The following CNTNAP2 variants were observed in gnomAD, a reference collection of about 807,000 sequenced individuals.
CNTNAP2 encodes contactin associated protein 2, also known as contactin-associated protein-like 2.
In CNTNAP2, 98 loss-of-function variants were observed where a neutral mutation model predicts 155.2. The observed-to-expected ratio is 0.63, with a 90% CI of 0.54 to 0.75. The LOEUF (loss-of-function observed/expected upper bound fraction) is 0.75. CNTNAP2 is among the 30% of genes least tolerant of loss of function. CNTNAP2 has a pLI of 0.00. For synonymous variants in CNTNAP2, 651 were observed against 631.2 expected, an observed-to-expected ratio of 1.03 and a Z score of -0.47; for missense variants, 1,727 against 1,688.1, an observed-to-expected ratio of 1.02 and a Z score of -0.40.
intron 3 of CNTNAP2, among the ~76,000 whole-genome samples, chr7:146,904,831 C>T (rs979805231): frequency 6.6e-6 from 1 of 152,162 alleles, no homozygotes; most frequent in Non-Finnish European, 1.5e-5. Context: ...TCGTATTGTG[C>T]TGCTCACAAA....
At chr7:147,820,788 C>T (rs1798348877) in intron 13 of CNTNAP2, among the ~76,000 whole-genome samples, 1 of 151,970 alleles carries the variant, frequency 6.6e-6, no homozygotes, top group Non-Finnish European at 1.5e-5. Context: ...TAATGAATTC[C>T]CTAGGAACCT....
chr7:146,990,080 T>TA (rs532120864), intron 3 of CNTNAP2, among the ~76,000 whole-genome samples: 1,709 of 149,978 alleles, frequency 0.011, 36 homozygotes, highest in African/African-American at 0.039. Context: ...AAATAAAAAA[T>TA]AAAAAAAAAG....
At chr7:147,824,034 A>G (rs1442483923) in intron 13 of CNTNAP2, among the ~76,000 whole-genome samples, 4 of 152,170 alleles carry the variant, frequency 2.6e-5, no homozygotes, top group African/African-American at 7.2e-5. Context: ...TGGCTTATCT[A>G]TATAAACCAG....
intron 1 of CNTNAP2, among the ~76,000 whole-genome samples, chr7:146,469,326 C>A (rs540095550): frequency 6.6e-6 from 1 of 151,784 alleles, no homozygotes; most frequent in African/African-American, 2.4e-5. Context: ...CACATCATCT[C>A]GGTCCCAGAG....
intron 18 of CNTNAP2, among the ~76,000 whole-genome samples, chr7:148,212,974 A>C (rs893422460): frequency 1.3e-5 from 2 of 152,160 alleles, no homozygotes; most frequent in Non-Finnish European, 2.9e-5. Flanking sequence ...GTAGTCTCTG[A>C]GGCATATTTT....
At chr7:147,156,130 AG>A (rs60061263) in intron 8 of CNTNAP2, among the ~76,000 whole-genome samples, 1 of 152,266 alleles carries the variant, frequency 6.6e-6, no homozygotes, top group African/African-American at 2.4e-5. Flanking sequence ...TAAAGGAGAA[AG>A]GTAGATTTCG....
intron 4 of CNTNAP2, chr7:147,080,960 CTCA>C (rs1800112448): frequency 1.3e-5 from 2 of 151,996 alleles, no homozygotes; most frequent in African/African-American, 4.8e-5. Context: ...TTTATTTCTC[CTCA>C]TATGGTACAC....
intron 1 of CNTNAP2, among the ~76,000 whole-genome samples, chr7:146,355,039 G>C (rs1229151488): frequency 6.6e-6 from 1 of 152,156 alleles, no homozygotes; most frequent in Non-Finnish European, 1.5e-5. Flanking sequence ...AGTATAACAG[G>C]AGTCTCAGAG....
chr7:147,541,977 C>T (rs1032676151), intron 11 of CNTNAP2, among the ~76,000 whole-genome samples: 1 of 152,152 alleles, frequency 6.6e-6, no homozygotes, highest in African/African-American at 2.4e-5. Flanking sequence ...ACATCATCTC[C>T]TTATGAAGCT....
rs144678197 is a variant in CNTNAP2 at position 146,623,048 on chromosome 7, T to C, written c.98-151223T>C. On this transcript the variant is annotated intron_variant, in intron 1 of 23. Transcript: ENST00000361727. The stretch of plus-strand genomic sequence containing the variant: ...ATTACTTGTTAAATTCTTGTTATCA[T>C]GTATGGGAGTTTCAGAATTGTTAGT... Among the ~76,000 whole-genome samples the C allele has an allele frequency of 5.5e-3, 840 of 152,086 alleles. 11 individuals carry two copies. Among genetic ancestry groups the C allele is most frequent in the Admixed American group, 0.016 (237 of 15,288 alleles).
intron 4 of CNTNAP2, among the ~76,000 whole-genome samples, chr7:147,096,598 C>T (rs1800541159): frequency 6.6e-6 from 1 of 152,232 alleles, no homozygotes; most frequent in South Asian, 2.1e-4. Flanking sequence ...CAGCCAGCAT[C>T]ACACATTTGT....
At chr7:146,192,565 C>G (rs148949841) in intron 1 of CNTNAP2, among the ~76,000 whole-genome samples, 1 of 152,168 alleles carries the variant, frequency 6.6e-6, no homozygotes, top group Non-Finnish European at 1.5e-5. Context: ...GTATCTCATG[C>G]GACATATTCA....
intron 13 of CNTNAP2, among the ~76,000 whole-genome samples, chr7:147,838,439 A>C (rs946625767): frequency 6.6e-6 from 1 of 152,120 alleles, no homozygotes; most frequent in South Asian, 2.1e-4. Flanking sequence ...CAAATTTTCC[A>C]AACTTTTATA....
At chr7:147,455,231 A>G (rs775948837) in intron 10 of CNTNAP2, among the ~76,000 whole-genome samples, 7 of 152,094 alleles carry the variant, frequency 4.6e-5, no homozygotes. Context: ...TCAGCTTTTT[A>G]TAGATTGAAT....
intron 3 of CNTNAP2, among the ~76,000 whole-genome samples, chr7:146,918,172 T>C (rs1282554181): frequency 6.6e-6 from 1 of 152,206 alleles, no homozygotes; most frequent in East Asian, 1.9e-4. Context: ...TTAGGCCATT[T>C]ACATTCAATA....
At chr7:146,726,810 A>G (rs989835702) in intron 1 of CNTNAP2, among the ~76,000 whole-genome samples, 2 of 152,116 alleles carry the variant, frequency 1.3e-5, no homozygotes, top group African/African-American at 2.4e-5. Context: ...TAATAATGCC[A>G]TTGTCATGTT....
At chr7:147,014,644 C>T (rs1396271719) in intron 3 of CNTNAP2, among the ~76,000 whole-genome samples, 1 of 152,112 alleles carries the variant, frequency 6.6e-6, no homozygotes, top group Non-Finnish European at 1.5e-5. Flanking sequence ...CACCTCCCAC[C>T]CAACAAAACT....
At chr7:146,787,929 G>A (rs907813137) in intron 2 of CNTNAP2, among the ~76,000 whole-genome samples, 9 of 152,194 alleles carry the variant, frequency 5.9e-5, no homozygotes, top group African/African-American at 2.2e-4. Flanking sequence ...CAGTCCTTTA[G>A]CTAGACACAA....
chr7:147,998,949 T>G (rs550820707), intron 15 of CNTNAP2, among the ~76,000 whole-genome samples: 1 of 152,258 alleles, frequency 6.6e-6, no homozygotes, highest in African/African-American at 2.4e-5. Context: ...TCTATGCCTA[T>G]GTAGTTTTTT....
Sources: allele counts gnomAD v4.1 joint callset (sites outside exome capture counted in the v4.1 genomes callset), GRCh38; gene constraint gnomAD v4.1.1; transcripts MANE v1.5; gene names NCBI Gene and HGNC (gene_info 2026-07-23, HGNC 2026-07-21).